The following LRP1 variants were observed in gnomAD, a reference collection of about 807,000 sequenced individuals.
LRP1 encodes LDL receptor related protein 1, also known as prolow-density lipoprotein receptor-related protein 1.
A neutral mutation model predicts 541.5 loss-of-function variants in LRP1; 51 were observed. That is an observed-to-expected ratio of 0.09 (90% CI 0.08 to 0.12). LRP1 has a LOEUF of 0.12. LRP1 is among the 10% of genes least tolerant of loss of function. The pLI is 1.00. For synonymous variants in LRP1, 2,219 were observed against 2,470.8 expected (o/e 0.90, Z 3.02); for missense variants, 3,878 against 6,376.2 (o/e 0.61, Z 13.34).
At position 57,159,946 on chromosome 12, in the gene LRP1, G is replaced by A. The variant is rs1463350346; in HGVS notation, c.1920G>A (p.Lys640=). Reference sequence around the variant, plus strand: ...TGGAGAAAGCTGCTCAGACCCGCAAGACTTTAATCGAGGGCAAAATGACAC... The same window carrying A: ...TGGAGAAAGCTGCTCAGACCCGCAAAACTTTAATCGAGGGCAAAATGACAC... The part of the protein sequence containing the change: ...ARLEKAAQTR[K]TLIEGKMTHP... The change falls in exon 12 of 89, where the codon AAG becomes AAA. Residue 640 remains lysine (K), a synonymous_variant. Coordinates refer to ENST00000243077, the MANE Select transcript of LRP1 (RefSeq NM_002332.3). 4 of 1,614,162 alleles carry A rather than the reference G, an allele frequency of 2.5e-6. No individual in the cohort carries two copies. The South Asian group carries it at 4.4e-5, about 18-fold the overall frequency.
rs948848252 is a variant in LRP1, at chr12:57,184,133, G to A, written c.5978G>A (p.Arg1993Gln). The stretch of plus-strand genomic sequence containing the variant: ...GGCTTTGATGTCATCGAGGTCGCCC[G>A]GCTCAATGGCTCCTTCCGCTACGTG... ...DQGFDVIEVARLNGSFRYVVI... is the reference protein window; with the variant it reads ...DQGFDVIEVAQLNGSFRYVVI... Residue 1993 changes from arginine (R) to glutamine (Q), a missense_variant, in exon 37 of 89, where the codon CGG (arginine) becomes CAG (glutamine). Transcript: ENST00000243077. The surrounding 1 kb of genome is among the most constrained non-coding windows in gnomAD (Gnocchi z 7.8). The A allele has an allele frequency of 2.5e-5, 40 of 1,614,126 alleles. No homozygotes were observed. Among genetic ancestry groups the A allele is most frequent in the South Asian group, 5.5e-5 (5 of 91,082 alleles).
At chr12:57,198,938 G>A (rs532317338) in intron 60 of LRP1, among the ~76,000 whole-genome samples, 1 of 152,174 alleles carries the variant, frequency 6.6e-6, no homozygotes, top group African/African-American at 2.4e-5. Context: ...GGTGGGGGTG[G>A]GAGGCCTGCG....
chr12:57,137,376 AG>A (rs952382146), intron 1 of LRP1, among the ~76,000 whole-genome samples: 9 of 152,158 alleles, frequency 5.9e-5, no homozygotes, highest in African/African-American at 2.2e-4. Flanking sequence ...TCCTGAATAT[AG>A]TAGCTAACTA....
In LRP1 at chr12:57,162,299, C is replaced by T. The variant is rs1442119057; in HGVS notation, c.2203-18C>T. 5 of 1,609,868 alleles carry T rather than the reference C, an allele frequency of 3.1e-6. No individual in the cohort carries two copies. Among genetic ancestry groups the T allele is most frequent in the African/African-American group, 1.3e-5 (1 of 74,968 alleles). ...CAATTTTCTTCCAACTCCTTAGTAA[C>T]ATCCTCTCCATCCCTAGATTGTGTA... On this transcript the variant is annotated intron_variant, in intron 13 of 88. Coordinates refer to ENST00000243077, the MANE Select transcript of LRP1 (RefSeq NM_002332.3). This position sits in a 1 kb window ranked among gnomAD's most constrained non-coding sequence, Gnocchi z 5.2.
At chr12:57,145,658 C>A (rs965305987) in intron 6 of LRP1, among the ~76,000 whole-genome samples, 168 bp downstream of exon 6, 1 of 152,128 alleles carries the variant, frequency 6.6e-6, no homozygotes, top group African/African-American at 2.4e-5. Context: ...GCAGAGCCAC[C>A]GGCACGCTCC....
In LRP1 at chr12:57,202,414, C is replaced by A; in HGVS notation, c.10595-7C>A. ...TCCCTGACTGCCCTGACACTTGCCT[C>A]CTCCAGATGAACGCACCTGTGAGCC... On this transcript the variant is annotated splice_polypyrimidine_tract_variant and splice_region_variant and intron_variant, in intron 67 of 88. Coordinates refer to ENST00000243077, the MANE Select transcript of LRP1 (RefSeq NM_002332.3). 6.2e-7 allele frequency: 1 copy of A among 1,606,688 alleles called. No individual in the cohort carries two copies. Among genetic ancestry groups the A allele is most frequent in the Non-Finnish European group, 8.5e-7 (1 of 1,173,834 alleles).
intron 77 of LRP1, 53 bp from the exon 78 acceptor site, chr12:57,208,658 C>T (rs1416026118): frequency 1.1e-5 from 13 of 1,164,818 alleles, no homozygotes; most frequent in South Asian, 3.9e-5. Flanking sequence ...CTGCCTGGGC[C>T]TGCCTCCTCT....
chr12:57,131,042 C>G (rs2035027862), intron 1 of LRP1, among the ~76,000 whole-genome samples: 1 of 152,194 alleles, frequency 6.6e-6, no homozygotes, highest in South Asian at 2.1e-4. Context: ...TATCCAGAGG[C>G]AGCCTAGGGG....
At position 57,143,681 on chromosome 12, in the gene LRP1, C is replaced by T. The variant is rs2035342073; in HGVS notation, c.331C>T (p.Leu111Phe). The T allele has an allele frequency of 6.2e-7, 1 of 1,613,120 alleles. No homozygotes were observed. The highest frequency in any genetic ancestry group is 8.5e-7 in the Non-Finnish European group (1 of 1,179,380). Reference sequence around the variant, plus strand: ...GTGTCTCTCCTGCCCCCACACAGAGCTCCAAGGCAACTGCTCTCGCCTGGG... The same window carrying T: ...GTGTCTCTCCTGCCCCCACACAGAGTTCCAAGGCAACTGCTCTCGCCTGGG... The part of the protein sequence containing the change: ...GSDEGPHCRE[L>F]QGNCSRLGCQ... Residue 111 changes from leucine to phenylalanine, a missense_variant and splice_region_variant, in exon 4 of 89, where the codon CTC (leucine) becomes TTC (phenylalanine). By Grantham distance (22) the Leu-to-Phe change is conservative. Transcript: ENST00000243077.
chr12:57,172,693 TTTA>T (rs1361425157), intron 20 of LRP1, among the ~76,000 whole-genome samples: 1 of 152,200 alleles, frequency 6.6e-6, no homozygotes, highest in African/African-American at 2.4e-5. Flanking sequence ...TCTCCATAGC[TTTA>T]TCAATACCTG....
Position 57,184,265 on chromosome 12 carries a change from A to G in LRP1, c.6059+51A>G, listed in dbSNP as rs77492261. ...GTCATTCTGCCCATGGCCCATGCTGATGAGGCCCTGTCTCCTCCAGGGTCT... is the reference window on the plus strand; with the variant it reads ...GTCATTCTGCCCATGGCCCATGCTGGTGAGGCCCTGTCTCCTCCAGGGTCT... On this transcript the variant is annotated intron_variant, in intron 37 of 88. Coordinates refer to ENST00000243077, the MANE Select transcript of LRP1 (RefSeq NM_002332.3). The surrounding 1 kb of genome is among the most constrained non-coding windows in gnomAD (Gnocchi z 7.8). 6.2e-7 allele frequency: 1 copy of G among 1,613,748 alleles called. No individual in the cohort carries two copies. Among genetic ancestry groups the G allele is most frequent in the East Asian group, 2.2e-5 (1 of 44,872 alleles).
chr12:57,165,807 A>G lies in LRP1; in HGVS notation c.2533A>G (p.Asn845Asp). 1.2e-6 allele frequency: 2 copies of G among 1,614,030 alleles called. No individual in the cohort carries two copies. Among genetic ancestry groups the G allele is most frequent in the Non-Finnish European group, 1.7e-6 (2 of 1,179,850 alleles). The change falls in exon 16 of 89, where the codon AAC becomes GAC. Residue 845 changes from asparagine to aspartate, a missense_variant and splice_region_variant. Transcript: ENST00000243077. This position sits in a 1 kb window ranked among gnomAD's most constrained non-coding sequence, Gnocchi z 4.5. ...TCACGATCCTGTGGTGCCCACAGCG[A>G]ACCCATCCTACGTGCCTCCACCCCA... ...LDADGVTCLA[N>D]PSYVPPPQCQ... is the part of the protein sequence containing the mutation.
chr12:57,136,049 C>A (rs970555061), intron 1 of LRP1, among the ~76,000 whole-genome samples: 2 of 152,234 alleles, frequency 1.3e-5, no homozygotes, highest in African/African-American at 4.8e-5. Flanking sequence ...CCCATTCCAG[C>A]CCCCCTCTTC....
rs139491574 is a variant in LRP1 at position 57,159,333 on chromosome 12, A to C, written c.1799-492A>C. Reference sequence around the variant, plus strand: ...ATCACAAGACTTTGGGGAAATCAAAAGTAACTCATCAGGAAAAGATTAGGG... The same window carrying C: ...ATCACAAGACTTTGGGGAAATCAAACGTAACTCATCAGGAAAAGATTAGGG... On this transcript the variant is annotated intron_variant, in intron 11 of 88. Coordinates refer to ENST00000243077, the MANE Select transcript of LRP1 (RefSeq NM_002332.3). Among the ~76,000 whole-genome samples, 68 of 152,316 alleles carry C rather than the reference A, an allele frequency of 4.5e-4. 1 individual carries two copies. The East Asian group carries it at 0.013, about 29-fold the overall frequency.
At chr12:57,172,653 C>A (rs1039152174) in intron 20 of LRP1, among the ~76,000 whole-genome samples, 1 of 152,172 alleles carries the variant, frequency 6.6e-6, no homozygotes, top group Non-Finnish European at 1.5e-5. Context: ...ACAGATCACC[C>A]CCATCCCTCT....
At chr12:57,136,615 G>A (rs1196454220) in intron 1 of LRP1, among the ~76,000 whole-genome samples, 1 of 152,312 alleles carries the variant, frequency 6.6e-6, no homozygotes, top group East Asian at 1.9e-4. Flanking sequence ...GAAAAGCCAC[G>A]AAAGGCCAGG....
chr12:57,135,476 A>G lies in LRP1; in HGVS notation c.68-2983A>G, dbSNP rs374274298. 5.9e-4 allele frequency among the ~76,000 whole-genome samples: 90 copies of G among 152,306 alleles called. 1 individual carries two copies. The highest frequency in any genetic ancestry group is 2.1e-3 in the African/African-American group (89 of 41,558). On this transcript the variant is annotated intron_variant, in intron 1 of 88. Transcript: ENST00000243077. ...TGAGTGAGGCTTCCCTTGGCTGTGT[A>G]GACTGTCCCAAAGTAGTTTATTTGT...
Position 57,156,707 on chromosome 12 carries a change from T to C in LRP1, c.1418-70T>C. ...ACAGCAGCAGGGGGTGTGGTCAGAT[T>C]CAGGAAGCCTTCTCAAGGCCTGGCA... On this transcript the variant is annotated intron_variant, in intron 9 of 88. Coordinates refer to ENST00000243077, the MANE Select transcript of LRP1 (RefSeq NM_002332.3). This position sits in a 1 kb window ranked among gnomAD's most constrained non-coding sequence, Gnocchi z 5.2. The C allele has an allele frequency of 6.7e-7, 1 of 1,501,094 alleles. No homozygotes were observed. Among genetic ancestry groups the C allele is most frequent in the Non-Finnish European group, 9.0e-7 (1 of 1,109,926 alleles). The allele number at this position is 1,501,094 out of a possible 1,614,324, so 93.0% of individuals were successfully genotyped here.
chr12:57,184,717 G>C lies in LRP1; in HGVS notation c.6187-122G>C. ...GGGCAGGAGTGTATGCAGGAGGCAG[G>C]AGTGAGTTAGGGGAGGCTGAACTGA... On this transcript the variant is annotated intron_variant, in intron 38 of 88. Transcript: ENST00000243077. This position sits in a 1 kb window ranked among gnomAD's most constrained non-coding sequence, Gnocchi z 7.8. 9.0e-7 allele frequency: 1 copy of C among 1,116,330 alleles called. No homozygotes were observed. Among genetic ancestry groups the C allele is most frequent in the South Asian group, 1.5e-5 (1 of 64,676 alleles). 69.2% of individuals were successfully genotyped at this position (1,116,330 alleles called of 1,614,324 possible).
Sources: allele counts gnomAD v4.1 joint callset (sites outside exome capture counted in the v4.1 genomes callset), GRCh38; gene constraint gnomAD v4.1.1; non-coding constraint Gnocchi (gnomAD v3.1); transcripts MANE v1.5; gene names NCBI Gene and HGNC (gene_info 2026-07-23, HGNC 2026-07-21).